PCDH15: variants seen among roughly 807,000 people sequenced by gnomAD.
The protein encoded by PCDH15 is protocadherin related 15.
PCDH15 carries 129 observed loss-of-function variants against 178.5 expected under a neutral mutation model. The ratio of observed to expected loss-of-function variants is 0.72; its 90% CI spans 0.63 to 0.84. PCDH15 has a LOEUF of 0.84. Among genes scored for constraint, PCDH15 ranks in the 40% least tolerant of loss-of-function variants. PCDH15 has a pLI of 0.00. For synonymous variants in PCDH15, 800 were observed against 732.0 expected, an observed-to-expected ratio of 1.09 and a Z score of -1.50; for missense variants, 2,230 against 2,099.9, an observed-to-expected ratio of 1.06 and a Z score of -1.21.
intron 1 of PCDH15, among the ~76,000 whole-genome samples, chr10:55,284,704 C>T (rs1241128080): frequency 6.6e-6 from 1 of 151,788 alleles, no homozygotes; most frequent in African/African-American, 2.4e-5. Context: ...TGTCTTTTGC[C>T]TTTGGACTTA....
At chr10:55,045,214 T>C (rs1184309072) in intron 2 of PCDH15, among the ~76,000 whole-genome samples, 1 of 152,118 alleles carries the variant, frequency 6.6e-6, no homozygotes, top group Non-Finnish European at 1.5e-5. Context: ...GTCATACTGA[T>C]CTTTACATTT....
chr10:55,144,184 G>C (rs4935579), intron 2 of PCDH15, among the ~76,000 whole-genome samples: 56,411 of 151,506 alleles, frequency 0.37, 10,929 homozygotes, highest in Admixed American at 0.47. Context: ...ATCTACGACT[G>C]ACTCATGACC....
intron 2 of PCDH15, among the ~76,000 whole-genome samples, chr10:55,350,249 A>G (rs967078726): frequency 4.7e-5 from 3 of 64,090 alleles, no homozygotes; most frequent in Admixed American, 1.5e-4. Flanking sequence ...ATATATATAT[A>G]TATATATATA....
chr10:53,842,399 C>A (rs2077713468), intron 28 of PCDH15, among the ~76,000 whole-genome samples: 1 of 152,106 alleles, frequency 6.6e-6, no homozygotes, highest in Non-Finnish European at 1.5e-5. Context: ...GCATGCACCA[C>A]CACACCTGGC....
chr10:53,980,820 T>C (rs2090576036), intron 21 of PCDH15, among the ~76,000 whole-genome samples: 1 of 152,212 alleles, frequency 6.6e-6, no homozygotes, highest in African/African-American at 2.4e-5. Flanking sequence ...CTAACGGCAC[T>C]CAGGAAGAAC....
At chr10:53,955,692 T>A (rs1589608958) in intron 23 of PCDH15, among the ~76,000 whole-genome samples, 1 of 152,296 alleles carries the variant, frequency 6.6e-6, no homozygotes, top group Admixed American at 6.5e-5. Flanking sequence ...ATTTTTATAT[T>A]TCCCCCAAAT....
chr10:53,959,708 T>A (rs756737869), intron 23 of PCDH15, 24 bp downstream of exon 23: 1 of 1,563,182 alleles, frequency 6.4e-7, no homozygotes, highest in African/African-American at 1.4e-5. Flanking sequence ...TTCGTGTATT[T>A]CAAAATCGGA....
chr10:54,661,259 A>G (rs1166184987), intron 2 of PCDH15, among the ~76,000 whole-genome samples: 2 of 152,056 alleles, frequency 1.3e-5, no homozygotes, highest in Non-Finnish European at 2.9e-5. Flanking sequence ...CAACACTCAA[A>G]CTGAGAACCA....
At chr10:54,427,520 C>T (rs186357487) in intron 3 of PCDH15, among the ~76,000 whole-genome samples, 27 of 151,872 alleles carry the variant, frequency 1.8e-4, no homozygotes, top group Admixed American at 1.1e-3. Context: ...TCAGGTGATC[C>T]GCCCACCTCA....
At chr10:55,400,907 T>G (rs944098200) in intron 2 of PCDH15, among the ~76,000 whole-genome samples, 2 of 152,118 alleles carry the variant, frequency 1.3e-5, no homozygotes. Context: ...AAACTGGGAT[T>G]TGTTCATATG....
chr10:53,941,421 A>T (rs2086056014), intron 23 of PCDH15, among the ~76,000 whole-genome samples: 2 of 152,152 alleles, frequency 1.3e-5, no homozygotes. Context: ...GGAATCACAC[A>T]GTATGTAACC....
intron 14 of PCDH15, among the ~76,000 whole-genome samples, chr10:54,148,624 T>C (rs908768132): frequency 5.3e-5 from 8 of 152,058 alleles, no homozygotes; most frequent in African/African-American, 1.9e-4. Flanking sequence ...TATATTAAGT[T>C]TGGCCACATC....
chr10:55,044,557 AC>A (rs1196930403), intron 2 of PCDH15, among the ~76,000 whole-genome samples: 1 of 152,072 alleles, frequency 6.6e-6, no homozygotes, highest in Non-Finnish European at 1.5e-5. Context: ...GTATTGACAT[AC>A]CTCTACATTC....
intron 2 of PCDH15, among the ~76,000 whole-genome samples, chr10:54,949,070 T>C (rs1233084565): frequency 6.6e-6 from 1 of 151,938 alleles, no homozygotes; most frequent in Admixed American, 6.6e-5. Context: ...AAAACATATA[T>C]AATAATATCT....
chr10:55,085,301 A>G (rs1842140445), intron 2 of PCDH15, among the ~76,000 whole-genome samples: 1 of 151,992 alleles, frequency 6.6e-6, no homozygotes, highest in Non-Finnish European at 1.5e-5. Flanking sequence ...TGTGGGAGCT[A>G]AAAATTAAAA....
intron 3 of PCDH15, among the ~76,000 whole-genome samples, chr10:54,479,486 G>C (rs2078542940): frequency 6.6e-6 from 1 of 151,618 alleles, no homozygotes; most frequent in African/African-American, 2.4e-5. Context: ...ATAGCTGCCT[G>C]GGTTTGTTTT....
chr10:54,561,979 G>C (rs1324285268), intron 2 of PCDH15, among the ~76,000 whole-genome samples: 2 of 81,814 alleles, frequency 2.4e-5, no homozygotes, highest in Non-Finnish European at 4.5e-5. Flanking sequence ...ACCGCACCCA[G>C]CTTTTTTTTT....
intron 26 of PCDH15, among the ~76,000 whole-genome samples, chr10:53,889,898 A>G (rs1196460205): frequency 6.6e-6 from 1 of 152,256 alleles, no homozygotes; most frequent in Non-Finnish European, 1.5e-5. Context: ...AATTTTCCTA[A>G]GTCTATAAAA....
chr10:53,912,449 T>A (rs938710398), intron 25 of PCDH15, among the ~76,000 whole-genome samples: 5 of 152,092 alleles, frequency 3.3e-5, no homozygotes, highest in Admixed American at 3.3e-4. Context: ...GCCAGGGCAA[T>A]CAGGCAAGAG....
Sources: allele counts gnomAD v4.1 joint callset (sites outside exome capture counted in the v4.1 genomes callset), GRCh38; gene constraint gnomAD v4.1.1; transcripts MANE v1.5; gene names NCBI Gene and HGNC (gene_info 2026-07-23, HGNC 2026-07-21).